The following MYO9A variants were observed in gnomAD, a reference collection of about 807,000 sequenced individuals.
MYO9A encodes myosin IXA, also known as unconventional myosin-IXa.
A neutral mutation model predicts 293.3 loss-of-function variants in MYO9A; 103 were observed. The observed-to-expected ratio is 0.35, with a 90% CI of 0.30 to 0.41. The LOEUF (loss-of-function observed/expected upper bound fraction) is 0.41, where lower values mean the gene tolerates loss of function less well. Among genes scored for constraint, MYO9A ranks in the 10% least tolerant of loss-of-function variants. The pLI, the probability that MYO9A is intolerant of heterozygous loss-of-function variation, is 1.00. For missense variants in MYO9A, 2,685 were observed against 3,033.0 expected (o/e 0.89, Z 2.69); for synonymous variants, 1,001 against 1,035.7 (o/e 0.97, Z 0.64).
intron 13 of MYO9A, among the ~76,000 whole-genome samples, chr15:71,966,235 ATC>A (rs753107839): frequency 8.9e-5 from 13 of 146,178 alleles, no homozygotes; most frequent in Non-Finnish European, 1.8e-4. Flanking sequence ...CTTTCAACCT[ATC>A]TGATAACGCA....
At chr15:71,850,872 CAG>C (rs1473709345) in intron 37 of MYO9A, among the ~76,000 whole-genome samples, 1 of 145,378 alleles carries the variant, frequency 6.9e-6, no homozygotes, top group Admixed American at 6.9e-5. Context: ...TATTTACACA[CAG>C]GGGAAGAGAC....
intron 30 of MYO9A, 68 bp downstream of exon 30, chr15:71,879,653 C>G: frequency 8.5e-7 from 1 of 1,171,006 alleles, no homozygotes; most frequent in Non-Finnish European, 1.2e-6. Context: ...TTTGTATTAT[C>G]TTCTACAGCG....
chr15:71,939,036 T>C (rs1012883000), intron 15 of MYO9A, 109 bp from the exon 16 acceptor site: 4 of 739,188 alleles, frequency 5.4e-6, no homozygotes, highest in Non-Finnish European at 8.7e-6. Flanking sequence ...ATTTGCTAAA[T>C]ATTTCAGAAA....
At position 72,046,575 on chromosome 15, in the gene MYO9A, T is replaced by C. The variant is rs746086253; in HGVS notation, c.-12A>G. ...TCATTTATATTCATATTGGATCCTG[T>C]CCCATCAGCATGGATAGTATATGTT... is the stretch of plus-strand genomic sequence containing the variant. On this transcript the variant is annotated 5_prime_UTR_variant, in exon 2 of 42. Coordinates refer to ENST00000356056, the MANE Select transcript of MYO9A (RefSeq NM_006901.4). 17 of 1,573,296 alleles carry C rather than the reference T, an allele frequency of 1.1e-5. No individual in the cohort carries two copies. In the South Asian group the frequency reaches 1.9e-4, roughly 17 times the overall value.
At chr15:71,919,639 G>A (rs975969560) in intron 18 of MYO9A, among the ~76,000 whole-genome samples, 11 of 151,798 alleles carry the variant, frequency 7.2e-5, no homozygotes, top group Non-Finnish European at 1.5e-4. Flanking sequence ...TCAGGAGTTC[G>A]AGACCAGCCT....
intron 18 of MYO9A, among the ~76,000 whole-genome samples, chr15:71,930,141 T>C (rs1480734932): frequency 1.3e-5 from 2 of 152,192 alleles, no homozygotes; most frequent in African/African-American, 4.8e-5. Context: ...CTGAAGAATG[T>C]CCTATGTATG....
rs1449706630 is a variant in MYO9A, at chr15:71,826,489, T to TTGAC, written c.*87_*90dup. On this transcript the variant is annotated 3_prime_UTR_variant, in exon 42 of 42. Transcript: ENST00000356056. ...AAAAGAGGCAGGACCACAATTAGGATTGACTATTGTGGACGAGGTGATGAA... is the reference window on the plus strand; with the variant it reads ...AAAAGAGGCAGGACCACAATTAGGATTGACTGACTATTGTGGACGAGGTGATGAA... 10 of 1,229,240 alleles carry TTGAC rather than the reference T, an allele frequency of 8.1e-6. No individual in the cohort carries two copies. The East Asian group carries it at 9.3e-5, about 11-fold the overall frequency. The allele number at this position is 1,229,240 out of a possible 1,614,324, so 76.1% of individuals were successfully genotyped here. A position where few individuals can be genotyped will look rare whatever the true frequency, so the allele number is the denominator to read the frequency against.
intron 32 of MYO9A, among the ~76,000 whole-genome samples, chr15:71,869,406 A>G (rs1382408199): frequency 6.6e-6 from 1 of 152,170 alleles, no homozygotes; most frequent in African/African-American, 2.4e-5. Context: ...TCAAATGGAA[A>G]AACATGCTCT....
At chr15:71,862,903 A>G (rs1268686898) in intron 32 of MYO9A, among the ~76,000 whole-genome samples, 1 of 151,122 alleles carries the variant, frequency 6.6e-6, no homozygotes, top group Non-Finnish European at 1.5e-5. Context: ...CAGTTCTCAA[A>G]GTATGTTTTC....
Position 71,826,754 on chromosome 15 carries a change from T to A in MYO9A, c.7473A>T (p.Gly2491=). 2 of 1,614,164 alleles carry A rather than the reference T, an allele frequency of 1.2e-6. No homozygotes were observed. Among genetic ancestry groups the A allele is most frequent in the Non-Finnish European group, 1.7e-6 (2 of 1,179,998 alleles). ...LEDKPQFISR[G]TFNPEKGKQK... ...GTTTGCCCTTTTCCGGGTTGAAGGT[T>A]CCTCTGCTGATGAACTGAGGCTTGT... Residue 2491 remains glycine (G), a synonymous_variant, in exon 42 of 42, where the codon GGA becomes GGT. Transcript: ENST00000356056.
At chr15:71,964,233 G>A (rs2075814757) in intron 13 of MYO9A, among the ~76,000 whole-genome samples, 1 of 152,046 alleles carries the variant, frequency 6.6e-6, no homozygotes, top group Admixed American at 6.6e-5. Flanking sequence ...TGGCTTAGTT[G>A]ATTTCTTTGT....
intron 11 of MYO9A, among the ~76,000 whole-genome samples, chr15:71,984,380 G>A (rs1288314960): frequency 6.6e-6 from 1 of 152,056 alleles, no homozygotes; most frequent in Admixed American, 6.5e-5. Flanking sequence ...CATTGTCTTT[G>A]GTTTAGTATA....
intron 1 of MYO9A, among the ~76,000 whole-genome samples, chr15:72,094,369 T>TTTTTTC (rs1462680235): frequency 1.1e-5 from 1 of 91,338 alleles, no homozygotes; most frequent in African/African-American, 2.6e-5. Flanking sequence ...GATAGTGATT[T>TTTTTTC]TTTAACAAAT....
chr15:72,072,281 G>A (rs1203939811), intron 1 of MYO9A, among the ~76,000 whole-genome samples: 1 of 151,738 alleles, frequency 6.6e-6, no homozygotes, highest in Non-Finnish European at 1.5e-5. Context: ...ACAGGCGCCC[G>A]CCACCACGCC....
rs576746449 is a variant in MYO9A at position 71,830,051 on chromosome 15, G to A, written c.7040+58C>T. Reference sequence around the variant, plus strand: ...AATAAGAAAAAATAAAGAAACGATAGAAGGAAGGAAACAAAAACAGACTAT... The same window carrying A: ...AATAAGAAAAAATAAAGAAACGATAAAAGGAAGGAAACAAAAACAGACTAT... On this transcript the variant is annotated intron_variant, in intron 40 of 41. Coordinates refer to ENST00000356056, the MANE Select transcript of MYO9A (RefSeq NM_006901.4). The A allele has an allele frequency of 4.6e-6, 7 of 1,521,714 alleles. No homozygotes were observed. In the Admixed American group the frequency reaches 5.3e-5, roughly 11 times the overall value. 94.3% of individuals were successfully genotyped at this position (1,521,714 alleles called of 1,614,324 possible).
chr15:72,036,733 G>A (rs1037346360), intron 2 of MYO9A: 1 of 152,162 alleles, frequency 6.6e-6, no homozygotes. Context: ...GTTTTGTTTT[G>A]AGACAAGATC....
intron 12 of MYO9A, among the ~76,000 whole-genome samples, chr15:71,976,574 A>C (rs1184516069): frequency 6.6e-6 from 1 of 152,260 alleles, no homozygotes; most frequent in Admixed American, 6.5e-5. Context: ...AACACGGAAT[A>C]TCAAAATCAC....
intron 3 of MYO9A, among the ~76,000 whole-genome samples, chr15:72,029,599 C>T (rs767471619): frequency 1.1e-4 from 17 of 152,164 alleles, no homozygotes; most frequent in African/African-American, 2.7e-4. Context: ...ACCCAAGTTA[C>T]GTATGACTAG....
chr15:71,928,058 T>A (rs12907037), intron 18 of MYO9A, among the ~76,000 whole-genome samples: 155 of 3,644 alleles, frequency 0.043, no homozygotes, highest in Non-Finnish European at 0.068. Context: ...ATATATATAT[T>A]TTTTTTTTTT....
Sources: allele counts gnomAD v4.1 joint callset (sites outside exome capture counted in the v4.1 genomes callset), GRCh38; gene constraint gnomAD v4.1.1; transcripts MANE v1.5; gene names NCBI Gene and HGNC (gene_info 2026-07-23, HGNC 2026-07-21).